YIPF4: variants seen among roughly 807,000 people sequenced by gnomAD.
The protein encoded by YIPF4 is Yip1 domain family member 4.
In YIPF4, 18 loss-of-function variants were observed where a neutral mutation model predicts 29.4. The observed-to-expected ratio is 0.61, with a 90% CI of 0.42 to 0.91. The LOEUF is 0.91. YIPF4 is among the 40% of genes least tolerant of loss of function. YIPF4 has a pLI of 0.00. For missense variants in YIPF4, 279 were observed against 282.7 expected, an observed-to-expected ratio of 0.99 and a Z score of 0.09; for synonymous variants, 115 against 104.7, an observed-to-expected ratio of 1.10 and a Z score of -0.60.
intron 4 of YIPF4, 53 bp from the exon 5 acceptor site, chr2:32,301,329 A>T: frequency 8.6e-7 from 1 of 1,169,024 alleles, no homozygotes; most frequent in Non-Finnish European, 1.3e-6. Flanking sequence ...ATTTTGATTA[A>T]AATGAGTATC....
intron 4 of YIPF4, among the ~76,000 whole-genome samples, chr2:32,299,346 T>G (rs2031312168): frequency 6.6e-6 from 1 of 152,250 alleles, no homozygotes; most frequent in Non-Finnish European, 1.5e-5. Flanking sequence ...GTAAGTAGCT[T>G]TAATATCTGG....
chr2:32,298,886 AT>A (rs1264301398), intron 4 of YIPF4, among the ~76,000 whole-genome samples: 12 of 149,312 alleles, frequency 8.0e-5, no homozygotes, highest in East Asian at 2.0e-4. Context: ...TATTATTATT[AT>A]TTTTTTTTGA....
Position 32,308,454 on chromosome 2 carries a change from C to T in YIPF4, c.*2828C>T, listed in dbSNP as rs2031642581. On this transcript the variant is annotated 3_prime_UTR_variant, in exon 6 of 6. Transcript: ENST00000238831. The stretch of plus-strand genomic sequence containing the variant: ...ACAGGCTGGGCATGGTGGCTTACGC[C>T]TGTAATCCCAGCAGTTTGGGAGGCC... The T allele has an allele frequency of 6.6e-6, 1 of 152,334 alleles. No homozygotes were observed. Among genetic ancestry groups the T allele is most frequent in the Non-Finnish European group, 1.5e-5 (1 of 68,252 alleles). The allele number at this position is 152,334 out of a possible 1,614,324, so 9.4% of individuals were successfully genotyped here.
chr2:32,287,527 C>T (rs1428985695), intron 1 of YIPF4, among the ~76,000 whole-genome samples: 1 of 152,168 alleles, frequency 6.6e-6, no homozygotes, highest in African/African-American at 2.4e-5. Context: ...ACTCTTCTTT[C>T]ACAGAAATCG....
intron 3 of YIPF4, among the ~76,000 whole-genome samples, chr2:32,296,654 C>T (rs907937970): frequency 2.0e-5 from 3 of 152,102 alleles, no homozygotes; most frequent in South Asian, 2.1e-4. Context: ...GATACTGATA[C>T]GTCTTATAAC....
chr2:32,293,940 G>A (rs1367303773), intron 3 of YIPF4, among the ~76,000 whole-genome samples: 3 of 144,066 alleles, frequency 2.1e-5, no homozygotes, highest in African/African-American at 7.9e-5. Flanking sequence ...CCGGGCGGGG[G>A]GCTGACCCCC....
Position 32,306,219 on chromosome 2 carries a change from A to ACATG in YIPF4, c.*595_*598dup. Reference sequence around the variant, plus strand: ...TTGTATATAGTTTTTAAAATCTCACACATGCTTCGATACTTCCTTGTTAAG... The same window carrying ACATG: ...TTGTATATAGTTTTTAAAATCTCACACATGCATGCTTCGATACTTCCTTGTTAAG... On this transcript the variant is annotated 3_prime_UTR_variant, in exon 6 of 6. Transcript: ENST00000238831. 1 of 902,856 alleles carries ACATG rather than the reference A, an allele frequency of 1.1e-6. No individual in the cohort carries two copies. Among genetic ancestry groups the ACATG allele is most frequent in the Non-Finnish European group, 1.3e-6 (1 of 754,734 alleles). The allele number at this position is 902,856 out of a possible 1,614,324, so 55.9% of individuals were successfully genotyped here.
intron 1 of YIPF4, among the ~76,000 whole-genome samples, chr2:32,288,399 C>T (rs1380215359): frequency 6.6e-6 from 1 of 152,126 alleles, no homozygotes; most frequent in African/African-American, 2.4e-5. Flanking sequence ...TAAGTACAGT[C>T]CTTTCTAGAA....
In YIPF4 at chr2:32,307,164, ATATC is replaced by A; in HGVS notation, c.*1542_*1545del. ...TAGAATAATATGAAGTAATCAGGAA[ATATC>A]TATGCCTACAGAAGCAGCAACCGTA... On this transcript the variant is annotated 3_prime_UTR_variant, in exon 6 of 6. Coordinates refer to ENST00000238831, the MANE Select transcript of YIPF4 (RefSeq NM_032312.4). 1 of 1,292,948 alleles carries A rather than the reference ATATC, an allele frequency of 7.7e-7. No individual in the cohort carries two copies. Among genetic ancestry groups the A allele is most frequent in the Non-Finnish European group, 1.0e-6 (1 of 984,380 alleles). 80.1% of individuals were successfully genotyped at this position (1,292,948 alleles called of 1,614,324 possible). A position where few individuals can be genotyped will look rare whatever the true frequency, so the allele number is the denominator to read the frequency against.
intron 1 of YIPF4, among the ~76,000 whole-genome samples, chr2:32,279,449 G>A (rs1334753664): frequency 7.1e-6 from 1 of 141,624 alleles, no homozygotes; most frequent in Non-Finnish European, 1.5e-5. Flanking sequence ...CCAGGCTGGA[G>A]TGCAGTGATG....
At chr2:32,286,566 A>G (rs1234835123) in intron 1 of YIPF4, among the ~76,000 whole-genome samples, 1 of 151,212 alleles carries the variant, frequency 6.6e-6, no homozygotes, top group East Asian at 1.9e-4. Flanking sequence ...TTTTTTTTTG[A>G]GATGGAGTTG....
chr2:32,290,484 T>C lies in YIPF4; in HGVS notation c.81T>C (p.Asp27=), dbSNP rs2030862602. ...AGTTTTATCCTCTTTTCTCCTAAGA[T>C]CTCAGTGGTTCAATAGCATCCCCAG... The part of the protein sequence containing the change: ...FTFVSSADAE[D]LSGSIASPDV... The change falls in exon 2 of 6, where the codon GAT becomes GAC. Residue 27 remains aspartate, a splice_region_variant and synonymous_variant. Coordinates refer to ENST00000238831, the MANE Select transcript of YIPF4 (RefSeq NM_032312.4). The C allele has an allele frequency of 6.5e-7, 1 of 1,529,468 alleles. No individual in the cohort carries two copies. Among genetic ancestry groups the C allele is most frequent in the Non-Finnish European group, 8.8e-7 (1 of 1,139,112 alleles). 94.7% of individuals were successfully genotyped at this position (1,529,468 alleles called of 1,614,324 possible).
In YIPF4 at chr2:32,307,920, G is replaced by C. The variant is rs545158860; in HGVS notation, c.*2294G>C. On this transcript the variant is annotated 3_prime_UTR_variant, in exon 6 of 6. Coordinates refer to ENST00000238831, the MANE Select transcript of YIPF4 (RefSeq NM_032312.4). The stretch of plus-strand genomic sequence containing the variant: ...CACTCCAGCCTGGGTAACAGAGCAA[G>C]ACTCTCTCAAAAAAAAAAAAAAAAA... 2.5e-5 allele frequency: 2 copies of C among 80,006 alleles called. No homozygotes were observed. Among genetic ancestry groups the C allele is most frequent in the Admixed American group, 4.2e-4 (2 of 4,734 alleles). The allele number at this position is 80,006 out of a possible 1,614,324, so 5.0% of individuals were successfully genotyped here.
In YIPF4 at chr2:32,307,307, G is replaced by T. The variant is rs2031611689; in HGVS notation, c.*1681G>T. ...TGGAATCTTTCACAGAAAGCTTGGGGGTCAGGACCAGGAGGTAGAATTTTA... is the reference window on the plus strand; with the variant it reads ...TGGAATCTTTCACAGAAAGCTTGGGTGTCAGGACCAGGAGGTAGAATTTTA... On this transcript the variant is annotated 3_prime_UTR_variant, in exon 6 of 6. Coordinates refer to ENST00000238831, the MANE Select transcript of YIPF4 (RefSeq NM_032312.4). 1 of 298,978 alleles carries T rather than the reference G, an allele frequency of 3.3e-6. No individual in the cohort carries two copies. Among genetic ancestry groups the T allele is most frequent in the Non-Finnish European group, 5.7e-6 (1 of 176,264 alleles). The allele number at this position is 298,978 out of a possible 1,614,324, so 18.5% of individuals were successfully genotyped here.
intron 4 of YIPF4, among the ~76,000 whole-genome samples, chr2:32,300,598 A>G (rs1338082294): frequency 1.3e-5 from 2 of 152,184 alleles, no homozygotes; most frequent in Non-Finnish European, 2.9e-5. Context: ...GGAAATTTAA[A>G]ATAATTCTAA....
In YIPF4 at chr2:32,305,804, T is replaced by C; in HGVS notation, c.*178T>C. On this transcript the variant is annotated 3_prime_UTR_variant, in exon 6 of 6. Transcript: ENST00000238831. The stretch of plus-strand genomic sequence containing the variant: ...TTGTATTTAATTAAGCAATTGCAGT[T>C]ATCTGGGATTTTTGGGTCAGAATTT... 8.2e-6 allele frequency: 10 copies of C among 1,226,114 alleles called. No individual in the cohort carries two copies. The highest frequency in any genetic ancestry group is 8.1e-6 in the Non-Finnish European group (8 of 984,510). 76.0% of individuals were successfully genotyped at this position (1,226,114 alleles called of 1,614,324 possible). A position where few individuals can be genotyped will look rare whatever the true frequency, so the allele number is the denominator to read the frequency against.
intron 5 of YIPF4, among the ~76,000 whole-genome samples, chr2:32,301,894 G>A (rs921053872): frequency 6.6e-6 from 1 of 151,994 alleles, no homozygotes; most frequent in Non-Finnish European, 1.5e-5. Context: ...TAGTAGAGAT[G>A]GGGTTTCACC....
intron 3 of YIPF4, among the ~76,000 whole-genome samples, chr2:32,296,336 G>A (rs978386360): frequency 1.3e-5 from 2 of 152,142 alleles, no homozygotes; most frequent in African/African-American, 4.8e-5. Context: ...GCTGAGCGTG[G>A]TAGCAGGTGC....
At chr2:32,299,495 C>T (rs918574621) in intron 4 of YIPF4, among the ~76,000 whole-genome samples, 24 of 152,284 alleles carry the variant, frequency 1.6e-4, no homozygotes, top group African/African-American at 5.5e-4. Context: ...ATAACCTTTT[C>T]AGATGATGGT....
Sources: allele counts gnomAD v4.1 joint callset (sites outside exome capture counted in the v4.1 genomes callset), GRCh38; gene constraint gnomAD v4.1.1; transcripts MANE v1.5; gene names NCBI Gene and HGNC (gene_info 2026-07-23, HGNC 2026-07-21).